The following C5orf58 variants were observed in gnomAD, a reference collection of about 807,000 sequenced individuals.
The protein encoded by C5orf58 is chromosome 5 open reading frame 58, also known as putative uncharacterized protein C5orf58.
C5orf58 carries 2 observed loss-of-function variants against 2.9 expected under a neutral mutation model. The ratio of observed to expected loss-of-function variants is 0.69; its 90% CI spans 0.28 to 2.18. C5orf58 has a LOEUF of 2.18. Ranked by LOEUF, C5orf58 falls within the 30% of genes most tolerant of loss-of-function variation. The probability of loss-of-function intolerance (pLI) is 0.13; values close to 1 mark genes in which losing one functional copy is unlikely to be tolerated. For missense variants in C5orf58, 96 were observed against 91.7 expected (o/e 1.05, Z -0.19); for synonymous variants, 37 against 33.4 (o/e 1.11, Z -0.37).
rs749006068 is a variant in C5orf58, at chr5:170,246,139, TTTA to T, written c.*29_*31del. On this transcript the variant is annotated 3_prime_UTR_variant, in exon 4 of 4. Coordinates refer to ENST00000593851, the MANE Select transcript of C5orf58 (RefSeq NM_001102609.3). ...TTTCTTATTTGTTATGAGTTTCTGT[TTTA>T]TTGTTGAACTAACAAATATTTGGGA... The T allele has an allele frequency of 7.4e-4, 1,174 of 1,581,530 alleles. 1 individual carries two copies. The highest frequency in any genetic ancestry group is 9.4e-4 in the Non-Finnish European group (1,092 of 1,159,496).
chr5:170,248,350 T>G (rs776490885), downstream of C5orf58: 4 of 207,902 alleles, frequency 1.9e-5, no homozygotes, highest in Non-Finnish European at 3.9e-5. Flanking sequence ...TATTACTGTT[T>G]CAGTGTTTTA....
intron 3 of C5orf58, among the ~76,000 whole-genome samples, chr5:170,244,974 C>T (rs1761194043): frequency 6.6e-6 from 1 of 152,134 alleles, no homozygotes. Context: ...GATGTCCTTT[C>T]TGTTTGTTAG....
downstream of C5orf58, chr5:170,246,781 C>T (rs1761308257): frequency 6.6e-6 from 1 of 152,274 alleles, no homozygotes; most frequent in Admixed American, 6.5e-5. Flanking sequence ...GCAACTGTGA[C>T]TGATGCACCT....
chr5:170,250,774 C>G, downstream of C5orf58: 2 of 1,613,240 alleles, frequency 1.2e-6, no homozygotes, highest in Non-Finnish European at 8.5e-7. Context: ...ACTTGACTTT[C>G]CTTCTGATAA....
chr5:170,240,659 T>C (rs113380008), intron 3 of C5orf58, among the ~76,000 whole-genome samples: 63 of 151,580 alleles, frequency 4.2e-4, no homozygotes, highest in African/African-American at 1.5e-3. Context: ...GAGTTCACTG[T>C]AGATTCTGGA....
At chr5:170,252,471 C>T (rs762586050), downstream of C5orf58, 4 of 1,588,458 alleles carry the variant, frequency 2.5e-6, no homozygotes, top group Non-Finnish European at 3.4e-6. Context: ...TGCCTCTGGT[C>T]GGGTAATATA....
At chr5:170,241,657 T>C (rs1561958840) in intron 3 of C5orf58, among the ~76,000 whole-genome samples, 4 of 150,834 alleles carry the variant, frequency 2.7e-5, no homozygotes, top group Admixed American at 2.6e-4. Flanking sequence ...AAGTTGCTTA[T>C]CAGCTTAAGG....
chr5:170,237,349 C>A, intron 3 of C5orf58: 1 of 398,388 alleles, frequency 2.5e-6, no homozygotes. Context: ...GAACTCTCTT[C>A]ATCATAATCC....
intron 3 of C5orf58, among the ~76,000 whole-genome samples, chr5:170,239,210 G>A (rs1285191820): frequency 1.3e-5 from 2 of 152,166 alleles, no homozygotes; most frequent in African/African-American, 4.8e-5. Context: ...CCTCTGGTGG[G>A]TTGCGTGCAG....
chr5:170,234,228 C>A (rs756165114), intron 2 of C5orf58, 30 bp downstream of exon 2: 1 of 1,310,208 alleles, frequency 7.6e-7, no homozygotes, highest in Non-Finnish European at 1.0e-6. Flanking sequence ...TTTGGACAAG[C>A]AGCTTGACCC....
intron 3 of C5orf58, among the ~76,000 whole-genome samples, chr5:170,243,142 A>G (rs1280323069): frequency 6.7e-6 from 1 of 149,082 alleles, no homozygotes; most frequent in Non-Finnish European, 1.5e-5. Flanking sequence ...GGTCTGAGAG[A>G]TAGTTTGTTA....
chr5:170,245,739 C>T (rs1311047583), intron 3 of C5orf58, among the ~76,000 whole-genome samples: 5 of 152,222 alleles, frequency 3.3e-5, no homozygotes, highest in African/African-American at 4.8e-5. Context: ...TCTTCTGCGT[C>T]GCTCACGCTG....
At chr5:170,252,200 C>T in exon 3 of C5orf58, 1 of 350,464 alleles carries the variant, frequency 2.9e-6, no homozygotes, top group South Asian at 6.5e-5. Flanking sequence ...TAAGATGCTG[C>T]CAACCAAATG....
At chr5:170,252,242 A>C (rs1416592767), downstream of C5orf58, 1 of 400,374 alleles carries the variant, frequency 2.5e-6, no homozygotes, top group Non-Finnish European at 4.5e-6. Flanking sequence ...CAGCCTAATG[A>C]TTCCCGAGCC....
At chr5:170,251,104 GA>G (rs1761428616), downstream of C5orf58, 1 of 462,122 alleles carries the variant, frequency 2.2e-6, no homozygotes, top group South Asian at 3.2e-5. Flanking sequence ...AGGCAACAGA[GA>G]TTGTATCAAA....
chr5:170,248,746 C>T (rs377344611), downstream of C5orf58: 13 of 1,609,674 alleles, frequency 8.1e-6, no homozygotes, highest in African/African-American at 2.7e-5. Context: ...TCTGGAACCT[C>T]GGTTTTTCCC....
intron 3 of C5orf58, among the ~76,000 whole-genome samples, chr5:170,238,390 G>T (rs1760830428): frequency 6.6e-6 from 1 of 152,140 alleles, no homozygotes; most frequent in Non-Finnish European, 1.5e-5. Flanking sequence ...GTAAAATGAA[G>T]AAATTCCTCT....
chr5:170,250,929 A>G, downstream of C5orf58: 1 of 1,559,504 alleles, frequency 6.4e-7, no homozygotes, highest in African/African-American at 1.4e-5. Flanking sequence ...GTAAAAGTCA[A>G]TATTTTTGTT....
downstream of C5orf58, chr5:170,248,822 GA>G: frequency 6.2e-7 from 1 of 1,611,988 alleles, no homozygotes. Context: ...AGAAAGTCCT[GA>G]AAGAGTCAAG....
Sources: allele counts gnomAD v4.1 joint callset (sites outside exome capture counted in the v4.1 genomes callset), GRCh38; gene constraint gnomAD v4.1.1; transcripts MANE v1.5; gene names NCBI Gene and HGNC (gene_info 2026-07-23, HGNC 2026-07-21).